The following ADAMTSL1 variants were observed in gnomAD, a reference collection of about 807,000 sequenced individuals.
ADAMTSL1 encodes the protein ADAMTS-like protein 1.
Under a neutral mutation model 201.8 loss-of-function variants are expected in ADAMTSL1, and 126 were observed. That is an observed-to-expected ratio of 0.62 (90% CI 0.54 to 0.72). ADAMTSL1 has a LOEUF of 0.72. Ranked by LOEUF, ADAMTSL1 falls within the 30% of genes least tolerant of loss-of-function variation. The probability of loss-of-function intolerance (pLI) is 0.00; values close to 1 mark genes in which losing one functional copy is unlikely to be tolerated. For synonymous variants in ADAMTSL1, 1,121 were observed against 903.4 expected (o/e 1.24, Z -4.32); for missense variants, 2,679 against 2,277.8 (o/e 1.18, Z -3.59).
At chr9:18,663,400 T>C (rs1829231160) in intron 9 of ADAMTSL1, among the ~76,000 whole-genome samples, 3 of 152,166 alleles carry the variant, frequency 2.0e-5, no homozygotes, top group South Asian at 2.1e-4. Context: ...GGATACGACA[T>C]AAAAACTGAA....
At chr9:18,815,711 C>CAAAAAAAAAAAA (rs35926602) in intron 20 of ADAMTSL1, among the ~76,000 whole-genome samples, 34 of 67,910 alleles carry the variant, frequency 5.0e-4, no homozygotes, top group Non-Finnish European at 7.4e-4. Context: ...AACCCTGTCT[C>CAAAAAAAAAAAA]AAAAAAAAAA....
At chr9:18,877,613 T>C (rs936628304) in intron 23 of ADAMTSL1, among the ~76,000 whole-genome samples, 2 of 152,210 alleles carry the variant, frequency 1.3e-5, no homozygotes, top group Non-Finnish European at 2.9e-5. Flanking sequence ...TGAATACCAG[T>C]ACCTGCTCTG....
chr9:18,222,839 C>G (rs1370870719), intron 2 of ADAMTSL1, among the ~76,000 whole-genome samples: 1 of 151,692 alleles, frequency 6.6e-6, no homozygotes, highest in Non-Finnish European at 1.5e-5. Flanking sequence ...TAGACAATTC[C>G]AGGTTGATAT....
At chr9:18,709,612 G>A (rs1587948901) in intron 14 of ADAMTSL1, among the ~76,000 whole-genome samples, 1 of 152,140 alleles carries the variant, frequency 6.6e-6, no homozygotes, top group Admixed American at 6.5e-5. Context: ...ATACTATTCT[G>A]GGAGATATAA....
At chr9:18,088,934 C>G (rs1435584754) in intron 1 of ADAMTSL1, among the ~76,000 whole-genome samples, 1 of 151,996 alleles carries the variant, frequency 6.6e-6, no homozygotes, top group Non-Finnish European at 1.5e-5. Flanking sequence ...TATGAGTATC[C>G]CCATGTTCAT....
At chr9:18,010,470 C>G (rs1361889719) in intron 1 of ADAMTSL1, among the ~76,000 whole-genome samples, 1 of 151,976 alleles carries the variant, frequency 6.6e-6, no homozygotes, top group Non-Finnish European at 1.5e-5. Flanking sequence ...CTGTAAAATA[C>G]TTCACTTGGT....
At chr9:18,590,003 G>A (rs1823803363) in intron 4 of ADAMTSL1, among the ~76,000 whole-genome samples, 1 of 152,094 alleles carries the variant, frequency 6.6e-6, no homozygotes, top group Non-Finnish European at 1.5e-5. Flanking sequence ...ATACGTTCAT[G>A]AAGGAGCTTG....
chr9:17,963,676 A>G (rs1817850434), intron 1 of ADAMTSL1, among the ~76,000 whole-genome samples: 1 of 152,162 alleles, frequency 6.6e-6, no homozygotes, highest in Non-Finnish European at 1.5e-5. Flanking sequence ...TTCATTATGT[A>G]ACATCAAGTA....
At chr9:18,522,253 C>G (rs983397524) in intron 2 of ADAMTSL1, among the ~76,000 whole-genome samples, 3 of 152,026 alleles carry the variant, frequency 2.0e-5, no homozygotes, top group Admixed American at 6.6e-5. Context: ...ATGCAGTATA[C>G]CCGTGTAACA....
intron 1 of ADAMTSL1, among the ~76,000 whole-genome samples, chr9:17,972,582 G>T (rs1425256280): frequency 6.6e-6 from 1 of 151,728 alleles, no homozygotes; most frequent in African/African-American, 2.4e-5. Context: ...ATTTAGGTTG[G>T]TTCCAAGTCT....
intron 8 of ADAMTSL1, 50 bp downstream of exon 8, chr9:18,657,800 CTTGGGTATTATAAGAGTAGAG>C (rs1828795947): frequency 6.9e-7 from 1 of 1,455,464 alleles, no homozygotes; most frequent in African/African-American, 1.4e-5. Context: ...TGAGGAAATA[CTTGGGTATTATAAGAGTAGAG>C]TTACTTCAGC....
chr9:18,328,408 TTTA>T (rs1351039746), intron 2 of ADAMTSL1, among the ~76,000 whole-genome samples: 6 of 152,208 alleles, frequency 3.9e-5, no homozygotes, highest in Admixed American at 3.3e-4. Flanking sequence ...CCAACCAGCA[TTTA>T]TTAAGCTCTT....
At chr9:18,493,628 G>A (rs1284183549) in intron 1 of ADAMTSL1, among the ~76,000 whole-genome samples, 1 of 152,186 alleles carries the variant, frequency 6.6e-6, no homozygotes, top group Admixed American at 6.5e-5. Flanking sequence ...TAAATTTAGA[G>A]TTGGCATAAA....
intron 1 of ADAMTSL1, among the ~76,000 whole-genome samples, chr9:18,131,802 G>C (rs1376648391): frequency 2.0e-5 from 3 of 152,078 alleles, no homozygotes; most frequent in Non-Finnish European, 2.9e-5. Context: ...AGGAGATCTA[G>C]TTCACTCTCT....
chr9:18,719,576 C>T (rs1833201139), intron 14 of ADAMTSL1, among the ~76,000 whole-genome samples: 1 of 152,204 alleles, frequency 6.6e-6, no homozygotes, highest in Admixed American at 6.5e-5. Context: ...TTTGGCCAGG[C>T]TGGTCTCGAA....
At chr9:18,552,663 A>G (rs940950581) in intron 3 of ADAMTSL1, among the ~76,000 whole-genome samples, 1 of 151,748 alleles carries the variant, frequency 6.6e-6, no homozygotes, top group Admixed American at 6.6e-5. Flanking sequence ...TTAATTTGCC[A>G]ATTTCACCTT....
At chr9:18,127,786 A>G (rs1825799907) in intron 1 of ADAMTSL1, among the ~76,000 whole-genome samples, 1 of 152,112 alleles carries the variant, frequency 6.6e-6, no homozygotes, top group African/African-American at 2.4e-5. Flanking sequence ...GTCACCAGGA[A>G]ACTTGCCATG....
intron 2 of ADAMTSL1, among the ~76,000 whole-genome samples, chr9:18,183,165 A>C (rs1042516893): frequency 3.9e-5 from 6 of 152,248 alleles, no homozygotes; most frequent in Non-Finnish European, 5.9e-5. Flanking sequence ...TGCTGGAACA[A>C]CTGGATGTCC....
intron 2 of ADAMTSL1, among the ~76,000 whole-genome samples, chr9:18,226,209 T>C (rs1830430776): frequency 6.6e-6 from 1 of 152,130 alleles, no homozygotes; most frequent in Admixed American, 6.6e-5. Flanking sequence ...AATACATACA[T>C]TTATTTTGTA....
Sources: gnomAD v4.1 joint callset for allele counts (sites outside exome capture counted in the v4.1 genomes callset) on GRCh38, gnomAD v4.1.1 for gene constraint, MANE v1.5 for transcripts, NCBI Gene and HGNC (gene_info 2026-07-23, HGNC 2026-07-21) for gene names.